Variants in KHDRBS3 observed in about 807,000 individuals in gnomAD.
The protein encoded by KHDRBS3 is KH domain-containing, RNA-binding, signal transduction-associated protein 3.
Under a neutral mutation model 45.6 loss-of-function variants are expected in KHDRBS3, and 23 were observed. That is an observed-to-expected ratio of 0.50 (90% CI 0.36 to 0.72). The LOEUF (loss-of-function observed/expected upper bound fraction) is 0.72, where lower values mean the gene tolerates loss of function less well. Among genes scored for constraint, KHDRBS3 ranks in the 30% least tolerant of loss-of-function variants. KHDRBS3 has a pLI of 0.00. For missense variants in KHDRBS3, 352 were observed against 424.8 expected (o/e 0.83, Z 1.51); for synonymous variants, 162 against 156.5 (o/e 1.04, Z -0.26).
chr8:135,522,050 C>T (rs1824939629), intron 2 of KHDRBS3, among the ~76,000 whole-genome samples: 1 of 152,096 alleles, frequency 6.6e-6, no homozygotes, highest in African/African-American at 2.4e-5. Context: ...GCCCCATCAC[C>T]TAGGTATTAA....
intron 7 of KHDRBS3, among the ~76,000 whole-genome samples, chr8:135,619,225 G>A (rs532484572): frequency 1.2e-3 from 182 of 152,250 alleles, no homozygotes; most frequent in African/African-American, 4.2e-3. Context: ...TATAAGGATT[G>A]CTGTACCACA....
At chr8:135,621,039 G>A (rs1830116588) in intron 7 of KHDRBS3, among the ~76,000 whole-genome samples, 1 of 150,836 alleles carries the variant, frequency 6.6e-6, no homozygotes, top group Non-Finnish European at 1.5e-5. Context: ...TAGAAACCCA[G>A]TAAGAAATCT....
chr8:135,524,350 G>A (rs181687408), intron 2 of KHDRBS3, among the ~76,000 whole-genome samples: 2 of 152,168 alleles, frequency 1.3e-5, no homozygotes. Flanking sequence ...TTTAATGTTA[G>A]TGTTATGCTA....
At chr8:135,515,557 A>T (rs568222602) in intron 1 of KHDRBS3, among the ~76,000 whole-genome samples, 21 of 151,742 alleles carry the variant, frequency 1.4e-4, no homozygotes, top group Admixed American at 8.5e-4. Flanking sequence ...TGTATCATAG[A>T]TATATTTACC....
At chr8:135,587,996 ATG>A (rs559009479) in intron 6 of KHDRBS3, among the ~76,000 whole-genome samples, 4 of 152,240 alleles carry the variant, frequency 2.6e-5, no homozygotes, top group South Asian at 4.1e-4. Flanking sequence ...TTTGCACTGT[ATG>A]TATAGGTTGT....
intron 7 of KHDRBS3, among the ~76,000 whole-genome samples, chr8:135,639,166 G>A (rs1157017991): frequency 6.6e-6 from 1 of 152,170 alleles, no homozygotes; most frequent in Non-Finnish European, 1.5e-5. Context: ...TGGTTGCCTT[G>A]ATAAGGGATG....
At chr8:135,479,885 T>G (rs566508769) in intron 1 of KHDRBS3, among the ~76,000 whole-genome samples, 25 of 152,198 alleles carry the variant, frequency 1.6e-4, no homozygotes, top group African/African-American at 5.5e-4. Flanking sequence ...GTATCTCTTA[T>G]GAATTTAGAT....
At chr8:135,474,458 C>T (rs1822169270) in intron 1 of KHDRBS3, among the ~76,000 whole-genome samples, 1 of 152,194 alleles carries the variant, frequency 6.6e-6, no homozygotes, top group Non-Finnish European at 1.5e-5. Context: ...GGCTGATTCT[C>T]CTAAACTCAG....
chr8:135,572,633 G>C (rs1827757797), intron 5 of KHDRBS3, among the ~76,000 whole-genome samples: 1 of 152,242 alleles, frequency 6.6e-6, no homozygotes, highest in Non-Finnish European at 1.5e-5. Context: ...TAGAAAAGCA[G>C]AATGTAAACC....
intron 7 of KHDRBS3, among the ~76,000 whole-genome samples, chr8:135,622,108 A>G (rs1432370114): frequency 6.6e-6 from 1 of 152,124 alleles, no homozygotes; most frequent in Non-Finnish European, 1.5e-5. Flanking sequence ...GCAGTTTTCC[A>G]TCATAACTGC....
intron 2 of KHDRBS3, chr8:135,538,968 G>C (rs750801849): frequency 1.3e-5 from 2 of 152,140 alleles, no homozygotes; most frequent in African/African-American, 2.4e-5. Flanking sequence ...ACCTACCTTA[G>C]GGTGTCCTAT....
chr8:135,564,860 A>G (rs1408906437), intron 5 of KHDRBS3, among the ~76,000 whole-genome samples: 1 of 152,122 alleles, frequency 6.6e-6, no homozygotes, highest in Admixed American at 6.6e-5. Flanking sequence ...TTGTAATCAC[A>G]CCCAGGTTTG....
chr8:135,652,761 T>C lies in KHDRBS3; in HGVS notation c.*118-3465T>C, dbSNP rs1165765587. ...TACTATGGACCCTCATCTTGCTCTA[T>C]GAATTCTGCAATACAGCATCCTGAG... is the stretch of plus-strand genomic sequence containing the variant. On this transcript the variant is annotated intron_variant and NMD_transcript_variant, in intron 4 of 4. Coordinates refer to the KHDRBS3 transcript ENST00000521461. Among the ~76,000 whole-genome samples, 4 of 152,224 alleles carry C rather than the reference T, an allele frequency of 2.6e-5. No individual in the cohort carries two copies. The East Asian group carries it at 7.7e-4, about 29-fold the overall frequency.
At chr8:135,588,930 T>C (rs1007403830) in intron 6 of KHDRBS3, among the ~76,000 whole-genome samples, 13 of 152,204 alleles carry the variant, frequency 8.5e-5, no homozygotes, top group Non-Finnish European at 1.9e-4. Context: ...CTTGTTAAGA[T>C]GAATGGCACT....
At chr8:135,540,450 C>T (rs1825987882) in intron 2 of KHDRBS3, 1 of 152,206 alleles carries the variant, frequency 6.6e-6, no homozygotes, top group African/African-American at 2.4e-5. Context: ...ACAAGATGTT[C>T]TCATCTTATA....
At chr8:135,554,815 A>G (rs922852694) in intron 4 of KHDRBS3, among the ~76,000 whole-genome samples, 2 of 152,200 alleles carry the variant, frequency 1.3e-5, no homozygotes, top group Admixed American at 6.5e-5. Context: ...TTTAAAATAA[A>G]TATCCTGAAT....
chr8:135,549,059 C>T (rs1236412354), intron 4 of KHDRBS3, 159 bp downstream of exon 4: 4 of 429,764 alleles, frequency 9.3e-6, no homozygotes, highest in Non-Finnish European at 1.6e-5. Context: ...TTGTAAATTA[C>T]TGGGCATTAT....
intron 2 of KHDRBS3, among the ~76,000 whole-genome samples, chr8:135,530,060 A>C (rs1376455208): frequency 3.4e-5 from 1 of 29,366 alleles, no homozygotes. Context: ...CTCCCATCTC[A>C]AAAAAAAAAA....
At chr8:135,503,164 G>T (rs1438226382) in intron 1 of KHDRBS3, among the ~76,000 whole-genome samples, 1 of 152,200 alleles carries the variant, frequency 6.6e-6, no homozygotes, top group Non-Finnish European at 1.5e-5. Context: ...GAATAACATA[G>T]TAGACAAAAG....
Sources: allele counts gnomAD v4.1 joint callset (sites outside exome capture counted in the v4.1 genomes callset), GRCh38; gene constraint gnomAD v4.1.1; transcripts MANE v1.5; gene names NCBI Gene and HGNC (gene_info 2026-07-23, HGNC 2026-07-21).